HEMK2: variants seen among roughly 807,000 people sequenced by gnomAD.
HEMK2 encodes methyltransferase HEMK2.
chr21:28,767,560 AACAAC>A, the HEMK2 span, among the ~76,000 whole-genome samples: 11,357 of 134,078 alleles, frequency 0.085, 718 homozygotes, highest in East Asian at 0.22. Flanking sequence ...TGGCAAGAGC[AACAAC>A]ATTATGCTAA....
chr21:28,592,984 C>T, the HEMK2 span, among the ~76,000 whole-genome samples: 9 of 152,272 alleles, frequency 5.9e-5, no homozygotes, highest in East Asian at 1.7e-3. Flanking sequence ...GGCACCTTTG[C>T]TTTCTGATGA....
the HEMK2 span, among the ~76,000 whole-genome samples, chr21:28,587,558 G>A: frequency 6.6e-6 from 1 of 152,120 alleles, no homozygotes; most frequent in Non-Finnish European, 1.5e-5. Flanking sequence ...TCTGGCATAG[G>A]TTATTTGTTC....
At chr21:28,885,296 C>T in the HEMK2 span, 1 of 1,591,094 alleles carries the variant, frequency 6.3e-7, no homozygotes, top group South Asian at 1.1e-5. Flanking sequence ...GCTGAAGGCG[C>T]CGCGGCCCAC....
At chr21:28,884,861 C>T in the HEMK2 span, among the ~76,000 whole-genome samples, 1 of 152,108 alleles carries the variant, frequency 6.6e-6, no homozygotes, top group Non-Finnish European at 1.5e-5. Flanking sequence ...TATTAATAAG[C>T]AATGTTTCCG....
the HEMK2 span, among the ~76,000 whole-genome samples, chr21:28,757,883 T>C: frequency 1.3e-5 from 2 of 152,120 alleles, no homozygotes; most frequent in Admixed American, 1.3e-4. Flanking sequence ...CCAGAGGAAA[T>C]ACAGCAGATA....
At chr21:28,884,586 T>G in the HEMK2 span, among the ~76,000 whole-genome samples, 4 of 152,238 alleles carry the variant, frequency 2.6e-5, no homozygotes, top group African/African-American at 9.6e-5. Context: ...AGTGCTAGGG[T>G]AGACTATTGT....
chr21:28,830,066 C>T, the HEMK2 span, among the ~76,000 whole-genome samples: 1 of 152,170 alleles, frequency 6.6e-6, no homozygotes, highest in Non-Finnish European at 1.5e-5. Context: ...GAGACTAGTC[C>T]TCCAGGCTGA....
the HEMK2 span, among the ~76,000 whole-genome samples, chr21:28,808,658 CA>C: frequency 1.4e-4 from 21 of 151,744 alleles, no homozygotes; most frequent in African/African-American, 4.8e-4. Flanking sequence ...GTTTTTATTT[CA>C]TTTTTCAATT....
At chr21:28,827,395 T>C in the HEMK2 span, among the ~76,000 whole-genome samples, 528 of 152,268 alleles carry the variant, frequency 3.5e-3, 8 homozygotes, top group East Asian at 0.02. Context: ...AAAAAATAAT[T>C]ATTGCTTTTC....
chr21:28,831,623 GA>G, the HEMK2 span, among the ~76,000 whole-genome samples: 11 of 84,142 alleles, frequency 1.3e-4, no homozygotes, highest in South Asian at 3.5e-4. Flanking sequence ...AGGAAAGAAG[GA>G]AAGAAGGAAG....
the HEMK2 span, among the ~76,000 whole-genome samples, chr21:28,759,746 G>A: frequency 6.6e-6 from 1 of 152,122 alleles, no homozygotes; most frequent in African/African-American, 2.4e-5. Flanking sequence ...TTTTGTAAGG[G>A]ATTTCCTCTT....
At chr21:28,776,272 A>G in the HEMK2 span, among the ~76,000 whole-genome samples, 9 of 152,354 alleles carry the variant, frequency 5.9e-5, 1 homozygote, top group Admixed American at 6.5e-5. Context: ...TGTGCCTTCT[A>G]TAGGCAACCC....
chr21:28,809,998 T>C, the HEMK2 span, among the ~76,000 whole-genome samples: 1 of 152,192 alleles, frequency 6.6e-6, no homozygotes, highest in African/African-American at 2.4e-5. Flanking sequence ...TACAAGGCTA[T>C]TGAAATAGTA....
chr21:28,642,037 T>C, the HEMK2 span, among the ~76,000 whole-genome samples: 1 of 152,202 alleles, frequency 6.6e-6, no homozygotes, highest in Non-Finnish European at 1.5e-5. Flanking sequence ...GATGAATACA[T>C]GTGAGACTCA....
chr21:28,590,441 A>C, the HEMK2 span, among the ~76,000 whole-genome samples: 7 of 152,330 alleles, frequency 4.6e-5, no homozygotes, highest in Middle Eastern at 3.4e-3. Flanking sequence ...ATAAAGCTAA[A>C]AATTAATATC....
the HEMK2 span, among the ~76,000 whole-genome samples, chr21:28,612,067 C>T: frequency 6.6e-6 from 1 of 151,652 alleles, no homozygotes; most frequent in Non-Finnish European, 1.5e-5. Context: ...CTCCCTAAAT[C>T]ATGCTATGAA....
chr21:28,648,494 T>C, the HEMK2 span, among the ~76,000 whole-genome samples: 1 of 152,332 alleles, frequency 6.6e-6, no homozygotes, highest in South Asian at 2.1e-4. Context: ...ATTGCATCTC[T>C]AGCACTAAAC....
chr21:28,618,605 T>C, the HEMK2 span, among the ~76,000 whole-genome samples: 1 of 152,204 alleles, frequency 6.6e-6, no homozygotes, highest in African/African-American at 2.4e-5. Flanking sequence ...TTGATCTCCT[T>C]CTTCTTAAAA....
chr21:28,688,570 T>G, the HEMK2 span, among the ~76,000 whole-genome samples: 6 of 151,966 alleles, frequency 3.9e-5, no homozygotes, highest in South Asian at 2.1e-4. Flanking sequence ...GGATCTAGGA[T>G]GACACATACT....
Sources: allele counts gnomAD v4.1 joint callset (sites outside exome capture counted in the v4.1 genomes callset), GRCh38; gene constraint gnomAD v4.1.1; transcripts MANE v1.5; gene names NCBI Gene and HGNC (gene_info 2026-07-23, HGNC 2026-07-21).